Variants in IL2 observed in about 807,000 individuals in gnomAD.
The protein encoded by IL2 is interleukin 2.
A neutral mutation model predicts 14.6 loss-of-function variants in IL2; 3 were observed. The ratio of observed to expected loss-of-function variants is 0.21; its 90% CI spans 0.09 to 0.53. The LOEUF (loss-of-function observed/expected upper bound fraction) is 0.53. IL2 is among the 20% of genes least tolerant of loss of function. The probability of loss-of-function intolerance (pLI) is 0.95; values close to 1 mark genes in which losing one functional copy is unlikely to be tolerated. For synonymous variants in IL2, 71 were observed against 60.0 expected, an observed-to-expected ratio of 1.18 and a Z score of -0.85; for missense variants, 125 against 170.8, an observed-to-expected ratio of 0.73 and a Z score of 1.50.
intron 2 of IL2, 66 bp downstream of exon 2, chr4:122,456,076 CTG>C: frequency 8.5e-7 from 1 of 1,176,562 alleles, no homozygotes; most frequent in Non-Finnish European, 1.3e-6. Flanking sequence ...TTAGTCCCAT[CTG>C]TGCAAATTTT....
At chr4:122,453,073 A>G (rs1031438359) in intron 3 of IL2, among the ~76,000 whole-genome samples, 13 of 151,994 alleles carry the variant, frequency 8.6e-5, no homozygotes, top group African/African-American at 2.9e-4. Context: ...CTATTAACTC[A>G]TGAATTTTAT....
intron 3 of IL2, 46 bp downstream of exon 3, chr4:122,453,664 C>G: frequency 8.3e-7 from 1 of 1,202,874 alleles, no homozygotes; most frequent in African/African-American, 1.6e-5. Flanking sequence ...TTTCCCCCTA[C>G]TTTTTTTTTT....
At chr4:122,454,325 T>G (rs1797707596) in intron 2 of IL2, among the ~76,000 whole-genome samples, 1 of 151,844 alleles carries the variant, frequency 6.6e-6, no homozygotes, top group Admixed American at 6.6e-5. Flanking sequence ...TAGGTAACAA[T>G]AATCATGTAG....
intron 2 of IL2, 132 bp from the exon 3 acceptor site, chr4:122,453,985 T>A (rs963499374): frequency 1.3e-6 from 1 of 754,172 alleles, no homozygotes; most frequent in African/African-American, 1.8e-5. Flanking sequence ...ACTGTAAAGA[T>A]GGACCAGTAG....
At chr4:122,453,341 C>T (rs941722921) in intron 3 of IL2, among the ~76,000 whole-genome samples, 1 of 151,556 alleles carries the variant, frequency 6.6e-6, no homozygotes, top group African/African-American at 2.4e-5. Context: ...TTCAGGTAAT[C>T]AGTATTGGCT....
intron 2 of IL2, among the ~76,000 whole-genome samples, chr4:122,455,093 T>C (rs544275668): frequency 6.6e-6 from 1 of 152,014 alleles, no homozygotes; most frequent in African/African-American, 2.4e-5. Flanking sequence ...TAGAGTAACA[T>C]CTGTAAGCTG....
rs1008024238 is a variant in IL2 at position 122,456,029 on chromosome 4, CAAATT to C, written c.207+110_207+114del. Reference sequence around the variant, plus strand: ...TATCAAACTTGGGTTTTCAAAAAAACAAATTAAAGTTACTCTTTACCTCAGATGAG... The same window carrying C: ...TATCAAACTTGGGTTTTCAAAAAAACAAAGTTACTCTTTACCTCAGATGAG... On this transcript the variant is annotated intron_variant, in intron 2 of 3. Transcript: ENST00000226730. 107 of 564,222 alleles carry C rather than the reference CAAATT, an allele frequency of 1.9e-4. No individual in the cohort carries two copies. In the East Asian group the frequency reaches 2.5e-3, roughly 13 times the overall value. The allele number at this position is 564,222 out of a possible 1,614,324, so 35.0% of individuals were successfully genotyped here.
chr4:122,453,718 C>A lies in IL2; in HGVS notation c.343G>T (p.Glu115Ter). 6.2e-7 allele frequency: 1 copy of A among 1,605,084 alleles called. No homozygotes were observed. Among genetic ancestry groups the A allele is most frequent in the South Asian group, 1.1e-5 (1 of 89,218 alleles). The stretch of plus-strand genomic sequence containing the variant: ...ATAAAGTAATGCCTTACCTTTAGTT[C>A]CAGAACTATTACGTTGATATTGCTG... ...LISNINVIVL[E>*]LKGSETTFMC... Residue 115 changes from glutamate to a stop codon, truncating the protein, a stop_gained, in exon 3 of 4, where the codon GAA becomes TAA. Transcript: ENST00000226730. LOFTEE classifies it low-confidence loss of function (END_TRUNC).
rs771146121 is a variant in IL2 at position 122,456,285 on chromosome 4, T to C, written c.147+9A>G. 43 of 1,603,714 alleles carry C rather than the reference T, an allele frequency of 2.7e-5. No homozygotes were observed. In the South Asian group the frequency reaches 4.3e-4, roughly 16 times the overall value. On this transcript the variant is annotated intron_variant, in intron 1 of 3. Transcript: ENST00000226730. Reference sequence around the variant, plus strand: ...GTAATAATTTTAGTAAGAAAGGAAATATACTTACATTAATTCCATTCAAAA... The same window carrying C: ...GTAATAATTTTAGTAAGAAAGGAAACATACTTACATTAATTCCATTCAAAA...
chr4:122,453,989 C>G (rs1300370976), intron 2 of IL2, 136 bp from the exon 3 acceptor site: 1 of 721,316 alleles, frequency 1.4e-6, no homozygotes, highest in Non-Finnish European at 2.2e-6. Context: ...TAAAGATGGA[C>G]CAGTAGAGTT....
intron 2 of IL2, 108 bp downstream of exon 2, chr4:122,456,036 A>C: frequency 1.3e-6 from 1 of 752,468 alleles, no homozygotes; most frequent in Non-Finnish European, 2.2e-6. Flanking sequence ...AAACAAATTA[A>C]AGTTACTCTT....
chr4:122,455,830 TAATCA>T (rs1797724676), intron 2 of IL2, among the ~76,000 whole-genome samples: 1 of 151,946 alleles, frequency 6.6e-6, no homozygotes, highest in African/African-American at 2.4e-5. Flanking sequence ...TAAAATGACA[TAATCA>T]AATATTTTAG....
intron 3 of IL2, among the ~76,000 whole-genome samples, chr4:122,453,301 A>C (rs754518579): frequency 6.6e-6 from 1 of 151,832 alleles, no homozygotes; most frequent in Non-Finnish European, 1.5e-5. Flanking sequence ...CCTTCCATCA[A>C]ATGATAAGGA....
chr4:122,454,931 A>G lies in IL2; in HGVS notation c.208-1078T>C, dbSNP rs184996845. On this transcript the variant is annotated intron_variant, in intron 2 of 3. Transcript: ENST00000226730. The stretch of plus-strand genomic sequence containing the variant: ...GTCAAGACAATACCAATCCCCTGAT[A>G]TGTCCATCTATTGCGCTTTCAATTC... Among the ~76,000 whole-genome samples the G allele has an allele frequency of 1.5e-4, 23 of 151,928 alleles. 1 individual carries two copies. Among genetic ancestry groups the G allele is most frequent in the African/African-American group, 4.8e-4 (20 of 41,510 alleles).
At chr4:122,452,485 C>A (rs1797686441) in intron 3 of IL2, among the ~76,000 whole-genome samples, 1 of 151,950 alleles carries the variant, frequency 6.6e-6, no homozygotes, top group African/African-American at 2.4e-5. Flanking sequence ...AAAGTTTAAA[C>A]ATTAGAAATT....
intron 2 of IL2, among the ~76,000 whole-genome samples, chr4:122,454,937 A>T (rs1240106195): frequency 3.3e-5 from 5 of 151,946 alleles, no homozygotes; most frequent in Middle Eastern, 6.8e-3. Flanking sequence ...TGATATGTCC[A>T]TCTATTGCGC....
chr4:122,452,379 G>A (rs1797685630), intron 3 of IL2, among the ~76,000 whole-genome samples: 2 of 151,994 alleles, frequency 1.3e-5, no homozygotes, highest in Non-Finnish European at 2.9e-5. Flanking sequence ...ACATGCTTCT[G>A]TTTGGGATAA....
chr4:122,451,917 A>G (rs1797680133), intron 3 of IL2, 55 bp from the exon 4 acceptor site: 2 of 765,530 alleles, frequency 2.6e-6, no homozygotes, highest in African/African-American at 1.8e-5. Context: ...CCTTATATAC[A>G]GTTATTCCCA....
chr4:122,456,229 T>C (rs748020604), intron 1 of IL2, 26 bp from the exon 2 acceptor site: 1 of 1,600,200 alleles, frequency 6.2e-7, no homozygotes, highest in South Asian at 1.1e-5. Context: ...GCATTGTTAT[T>C]AAGAAATGAT....
Sources: allele counts gnomAD v4.1 joint callset (sites outside exome capture counted in the v4.1 genomes callset), GRCh38; gene constraint gnomAD v4.1.1; transcripts MANE v1.5; gene names NCBI Gene and HGNC (gene_info 2026-07-23, HGNC 2026-07-21).